The following BPIFB4 variants were observed in gnomAD, a reference collection of about 807,000 sequenced individuals.
The protein encoded by BPIFB4 is BPI fold-containing family B member 4.
Under a neutral mutation model 69.2 loss-of-function variants are expected in BPIFB4, and 62 were observed. The observed-to-expected ratio is 0.90, with a 90% CI of 0.73 to 1.11. BPIFB4 has a LOEUF of 1.11. Ranked by LOEUF, BPIFB4 falls within the 50% of genes least tolerant of loss-of-function variation. The pLI, the probability that BPIFB4 is intolerant of heterozygous loss-of-function variation, is 0.00. For missense variants in BPIFB4, 789 were observed against 792.0 expected (o/e 1.00, Z 0.04); for synonymous variants, 330 against 332.7 (o/e 0.99, Z 0.09).
chr20:33,107,273 A>C (rs908147291), intron 16 of BPIFB4, among the ~76,000 whole-genome samples: 2 of 151,134 alleles, frequency 1.3e-5, no homozygotes, highest in South Asian at 2.1e-4. Context: ...AAAAGAGAAA[A>C]GGGAAAAGAA....
At position 33,111,496 on chromosome 20, in the gene BPIFB4, C is replaced by T; in HGVS notation, c.*59C>T. 6.2e-7 allele frequency: 1 copy of T among 1,605,452 alleles called. No homozygotes were observed. Among genetic ancestry groups the T allele is most frequent in the Non-Finnish European group, 8.5e-7 (1 of 1,173,346 alleles). Reference sequence around the variant, plus strand: ...GAAGCTGGAACCAGTCCCAGAGAGGCTCGGCCTGGAAACAGTCCCCTGCCC... The same window carrying T: ...GAAGCTGGAACCAGTCCCAGAGAGGTTCGGCCTGGAAACAGTCCCCTGCCC... On this transcript the variant is annotated 3_prime_UTR_variant, in exon 18 of 18. Transcript: ENST00000375483.
chr20:33,083,825 G>A lies in BPIFB4; in HGVS notation c.628G>A (p.Gly210Ser), dbSNP rs1020339998. ...ACTTCTTGGAGGAGGGGGTGTCCTGGGCGTGCTCGGCGAGGGTGGCATCCT... is the reference window on the plus strand; with the variant it reads ...ACTTCTTGGAGGAGGGGGTGTCCTGAGCGTGCTCGGCGAGGGTGGCATCCT... ...GGLLGGGGVLGVLGEGGILST... is the reference protein window; with the variant it reads ...GGLLGGGGVLSVLGEGGILST... Residue 210 changes from glycine (G) to serine (S), a missense_variant, in exon 5 of 18, where the codon GGC becomes AGC. Physicochemically the swap from Gly to Ser is moderately conservative, Grantham distance 56. This residue lies in a region of BPIFB4 where 611 missense variants were observed against 575.4 expected (regional missense o/e 1.06). Coordinates refer to ENST00000375483, the MANE Select transcript of BPIFB4 (RefSeq NM_182519.3). 4.3e-6 allele frequency: 7 copies of A among 1,613,324 alleles called. No homozygotes were observed. The African/African-American group carries it at 9.4e-5, about 22-fold the overall frequency.
rs189230881 is a variant in BPIFB4 at position 33,099,036 on chromosome 20, A to G, written c.1569+1249A>G. ...GAGTCTCACTCTGTGGTGAGACCCTAGGCTACGGTCTAGCTTAGGGCCCAG... is the reference window on the plus strand; with the variant it reads ...GAGTCTCACTCTGTGGTGAGACCCTGGGCTACGGTCTAGCTTAGGGCCCAG... On this transcript the variant is annotated intron_variant, in intron 13 of 17. Transcript: ENST00000375483. 4.0e-5 allele frequency among the ~76,000 whole-genome samples: 6 copies of G among 148,800 alleles called. No homozygotes were observed. In the East Asian group the frequency reaches 1.2e-3, roughly 30 times the overall value.
chr20:33,085,724 T>C (rs1981403115), intron 6 of BPIFB4, among the ~76,000 whole-genome samples: 1 of 152,190 alleles, frequency 6.6e-6, no homozygotes. Context: ...GGCTTCTGTG[T>C]GGACTTATCC....
At chr20:33,102,878 T>C (rs1981943590) in intron 14 of BPIFB4, 94 bp from the exon 15 acceptor site, 3 of 1,239,810 alleles carry the variant, frequency 2.4e-6, no homozygotes, top group Non-Finnish European at 3.6e-6. Context: ...ATCGTGAGGA[T>C]AGTGGAGGGG....
rs147477530 is a variant in BPIFB4 at position 33,086,246 on chromosome 20, G to A, written c.926+82G>A. On this transcript the variant is annotated intron_variant, in intron 7 of 17. Transcript: ENST00000375483. ...GCAAACAACATGACGTCACCCACCT[G>A]CCCATAGGCTCTGGGGTGGGCAGGA... is the stretch of plus-strand genomic sequence containing the variant. The A allele has an allele frequency of 9.2e-5, 140 of 1,520,428 alleles. No homozygotes were observed. The African/African-American group carries it at 1.6e-3, about 17-fold the overall frequency. The allele number at this position is 1,520,428 out of a possible 1,614,324, so 94.2% of individuals were successfully genotyped here.
intron 7 of BPIFB4, among the ~76,000 whole-genome samples, chr20:33,087,752 AC>A (rs1216015603): frequency 7.3e-5 from 11 of 149,664 alleles, no homozygotes; most frequent in East Asian, 4.0e-4. Flanking sequence ...ACACACACAC[AC>A]AAGCATGCAT....
rs533880154 is a variant in BPIFB4, at chr20:33,110,864, G to A, written c.1822-550G>A. 7.1e-5 allele frequency among the ~76,000 whole-genome samples: 10 copies of A among 140,110 alleles called. No homozygotes were observed. In the Middle Eastern group the frequency reaches 0.017, roughly 232 times the overall value. 91.9% of individuals were successfully genotyped at this position (140,110 alleles called of 152,430 possible). A position where few individuals can be genotyped will look rare whatever the true frequency, so the allele number is the denominator to read the frequency against. ...GAGTTTTGCTCTTGTCACCCAAGCT[G>A]GAGTGCAATGGCGCGATCTCGGCTC... On this transcript the variant is annotated intron_variant, in intron 17 of 17. Coordinates refer to ENST00000375483, the MANE Select transcript of BPIFB4 (RefSeq NM_182519.3).
At chr20:33,110,104 C>T (rs1468101821) in intron 17 of BPIFB4, among the ~76,000 whole-genome samples, 3 of 152,152 alleles carry the variant, frequency 2.0e-5, no homozygotes, top group Non-Finnish European at 2.9e-5. Flanking sequence ...AATCTGCAGA[C>T]GTATTCACCA....
intron 17 of BPIFB4, among the ~76,000 whole-genome samples, chr20:33,110,098 T>A (rs1234519154): frequency 1.3e-5 from 2 of 152,180 alleles, no homozygotes; most frequent in Non-Finnish European, 2.9e-5. Context: ...GTGAAGAATC[T>A]GCAGACGTAT....
At chr20:33,111,357 A>G (rs1982232794) in intron 17 of BPIFB4, 57 bp from the exon 18 acceptor site, 21 of 1,607,538 alleles carry the variant, frequency 1.3e-5, no homozygotes, top group Non-Finnish European at 1.8e-5. Context: ...GGTGAGTAGC[A>G]AGGCTCTAGC....
intron 13 of BPIFB4, 94 bp downstream of exon 13, chr20:33,097,881 A>C: frequency 3.8e-6 from 5 of 1,305,342 alleles, no homozygotes; most frequent in Non-Finnish European, 5.2e-6. Flanking sequence ...AATCCCCTCA[A>C]TCTCCACCAT....
chr20:33,096,411 G>A (rs1981754742), intron 12 of BPIFB4, among the ~76,000 whole-genome samples: 1 of 152,138 alleles, frequency 6.6e-6, no homozygotes, highest in Non-Finnish European at 1.5e-5. Context: ...GAGTAGCTGG[G>A]ACTACAGGCA....
At chr20:33,095,275 G>A in intron 12 of BPIFB4, 122 bp downstream of exon 12, 1 of 1,044,908 alleles carries the variant, frequency 9.6e-7, no homozygotes, top group Admixed American at 1.8e-5. Flanking sequence ...CCCCTGCTTG[G>A]GAGTGCAGTG....
intron 4 of BPIFB4, 93 bp from the exon 5 acceptor site, chr20:33,083,273 AG>A: frequency 1.2e-6 from 1 of 845,958 alleles, no homozygotes. Context: ...GCTGGGTGGC[AG>A]TAGAGGGGGG....
intron 16 of BPIFB4, among the ~76,000 whole-genome samples, chr20:33,105,502 G>A (rs545582998): frequency 3.4e-4 from 52 of 152,170 alleles, no homozygotes; most frequent in Admixed American, 1.3e-4. Flanking sequence ...TCTCTGGGGC[G>A]TCTCAGGAAT....
intron 8 of BPIFB4, among the ~76,000 whole-genome samples, chr20:33,089,271 G>A (rs1386676298): frequency 1.3e-5 from 2 of 152,164 alleles, no homozygotes; most frequent in Non-Finnish European, 2.9e-5. Context: ...TCCCGGCTTG[G>A]GCACTTCCTA....
At chr20:33,091,278 G>A (rs1324830746) in intron 10 of BPIFB4, among the ~76,000 whole-genome samples, 1 of 152,200 alleles carries the variant, frequency 6.6e-6, no homozygotes, top group Non-Finnish European at 1.5e-5. Context: ...TTAAAAAAAA[G>A]TCCTGATTTG....
At chr20:33,101,537 T>C (rs1981908929) in intron 14 of BPIFB4, among the ~76,000 whole-genome samples, 1 of 152,154 alleles carries the variant, frequency 6.6e-6, no homozygotes, top group East Asian at 1.9e-4. Flanking sequence ...GTCCTAGGTG[T>C]GTCTTCATTT....
Sources: allele counts gnomAD v4.1 joint callset (sites outside exome capture counted in the v4.1 genomes callset), GRCh38; gene constraint gnomAD v4.1.1; regional missense constraint gnomAD v4.1.1; transcripts MANE v1.5; gene names NCBI Gene and HGNC (gene_info 2026-07-23, HGNC 2026-07-21).